The following LRRTM4 variants were observed in gnomAD, a reference collection of about 807,000 sequenced individuals.
The protein encoded by LRRTM4 is leucine-rich repeat transmembrane neuronal protein 4.
In LRRTM4, 25 loss-of-function variants were observed where a neutral mutation model predicts 47.6. That is an observed-to-expected ratio of 0.53 (90% confidence interval 0.38 to 0.73). The LOEUF is 0.73. Ranked by LOEUF, LRRTM4 falls within the 30% of genes least tolerant of loss-of-function variation. LRRTM4 has a pLI of 0.00. For missense variants in LRRTM4, 638 were observed against 713.4 expected (o/e 0.89, Z 1.20); for synonymous variants, 311 against 269.5 (o/e 1.15, Z -1.51).
intron 3 of LRRTM4, among the ~76,000 whole-genome samples, chr2:76,795,198 C>T (rs1372410504): frequency 6.6e-6 from 1 of 152,008 alleles, no homozygotes; most frequent in Non-Finnish European, 1.5e-5. Flanking sequence ...CCCGAATCCA[C>T]AAATAACCAA....
At chr2:77,303,061 T>C (rs565376642) in intron 3 of LRRTM4, among the ~76,000 whole-genome samples, 1 of 152,244 alleles carries the variant, frequency 6.6e-6, no homozygotes, top group Non-Finnish European at 1.5e-5. Flanking sequence ...GCCCTGACAA[T>C]TTTTGCTTTT....
intron 3 of LRRTM4, among the ~76,000 whole-genome samples, chr2:77,316,454 G>T (rs1349961984): frequency 6.6e-6 from 1 of 151,976 alleles, no homozygotes; most frequent in African/African-American, 2.4e-5. Flanking sequence ...ATGTGACATA[G>T]ATTTTTTTAA....
chr2:77,352,786 T>C (rs1671833333), intron 3 of LRRTM4, among the ~76,000 whole-genome samples: 1 of 151,996 alleles, frequency 6.6e-6, no homozygotes, highest in African/African-American at 2.4e-5. Flanking sequence ...CAAGCTATTA[T>C]AAATGCCTTT....
intron 3 of LRRTM4, among the ~76,000 whole-genome samples, chr2:77,356,474 T>C (rs1671973495): frequency 6.6e-6 from 1 of 151,972 alleles, no homozygotes; most frequent in South Asian, 2.1e-4. Context: ...TTAGAAAAAA[T>C]GCAGAAGTAT....
chr2:77,429,858 G>C (rs1332926138), intron 3 of LRRTM4, among the ~76,000 whole-genome samples: 2 of 152,178 alleles, frequency 1.3e-5, no homozygotes, highest in African/African-American at 4.8e-5. Context: ...TTTAAGTCAG[G>C]AGTTCGAGAC....
intron 3 of LRRTM4, among the ~76,000 whole-genome samples, chr2:77,494,200 A>G (rs184327132): frequency 6.6e-6 from 1 of 152,272 alleles, no homozygotes; most frequent in East Asian, 1.9e-4. Flanking sequence ...AATGAACTGC[A>G]GAAGATATGC....
At chr2:77,344,629 A>T (rs1671495556) in intron 3 of LRRTM4, among the ~76,000 whole-genome samples, 1 of 151,908 alleles carries the variant, frequency 6.6e-6, no homozygotes. Context: ...AAAAAAAGCT[A>T]AACAAATAAT....
In LRRTM4 at chr2:77,329,315, G is replaced by A. The variant is rs7569852; in HGVS notation, c.1551+189003C>T. 1.4e-3 allele frequency among the ~76,000 whole-genome samples: 214 copies of A among 152,262 alleles called. 1 individual carries two copies. Among genetic ancestry groups the A allele is most frequent in the Non-Finnish European group, 2.1e-3 (143 of 68,014 alleles). Reference sequence around the variant, plus strand: ...TTCATTCAGCAGATATTTAGTGAATGCCTAATGTGTGCTGGGCTAGGAATC... The same window carrying A: ...TTCATTCAGCAGATATTTAGTGAATACCTAATGTGTGCTGGGCTAGGAATC... On this transcript the variant is annotated intron_variant, in intron 3 of 3. Transcript: ENST00000409884.
chr2:76,788,071 A>G (rs1007975245), intron 3 of LRRTM4, among the ~76,000 whole-genome samples: 6 of 152,150 alleles, frequency 3.9e-5, no homozygotes, highest in Admixed American at 2.6e-4. Flanking sequence ...TGTTGTTACT[A>G]TTGTTGTTAG....
chr2:76,903,053 T>A (rs1412419018), intron 3 of LRRTM4, among the ~76,000 whole-genome samples: 2 of 152,128 alleles, frequency 1.3e-5, no homozygotes, highest in Admixed American at 6.6e-5. Context: ...CTGTTTCACT[T>A]ATCTTTCAAC....
intron 3 of LRRTM4, among the ~76,000 whole-genome samples, chr2:76,958,774 A>G (rs188624086): frequency 6.6e-6 from 1 of 151,892 alleles, no homozygotes; most frequent in East Asian, 2.0e-4. Context: ...TAGAATTACC[A>G]TAAAGTGTGT....
intron 3 of LRRTM4, among the ~76,000 whole-genome samples, chr2:77,246,859 A>G (rs1050516324): frequency 1.3e-5 from 2 of 152,118 alleles, no homozygotes; most frequent in African/African-American, 2.4e-5. Context: ...ATATATAGAC[A>G]TATTATTATC....
At chr2:76,944,899 C>T (rs765157548) in intron 3 of LRRTM4, among the ~76,000 whole-genome samples, 1 of 151,872 alleles carries the variant, frequency 6.6e-6, no homozygotes, top group Non-Finnish European at 1.5e-5. Flanking sequence ...GAATATTTAC[C>T]AGTGTTCTAC....
intron 3 of LRRTM4, among the ~76,000 whole-genome samples, chr2:77,418,964 C>T (rs979765122): frequency 1.1e-4 from 17 of 152,110 alleles, no homozygotes; most frequent in African/African-American, 3.4e-4. Context: ...ATCCCTGCCT[C>T]CTGATGTTCA....
intron 3 of LRRTM4, among the ~76,000 whole-genome samples, chr2:77,299,706 G>T (rs1021025862): frequency 2.0e-5 from 3 of 151,818 alleles, no homozygotes; most frequent in Admixed American, 2.0e-4. Flanking sequence ...CTAAGAAGAG[G>T]GCAAGAAATC....
intron 3 of LRRTM4, among the ~76,000 whole-genome samples, chr2:76,816,862 T>TTG (rs1670916119): frequency 7.9e-6 from 1 of 126,432 alleles, no homozygotes; most frequent in Non-Finnish European, 1.6e-5. Context: ...TTTTTTTTTT[T>TTG]GGTGCTTAAG....
chr2:76,792,264 T>TA (rs888070671), intron 3 of LRRTM4, among the ~76,000 whole-genome samples: 23 of 152,084 alleles, frequency 1.5e-4, no homozygotes, highest in Non-Finnish European at 2.6e-4. Context: ...AAATAACCAT[T>TA]AAAAAAACCT....
In LRRTM4 at chr2:76,748,613, G is replaced by C; in HGVS notation, c.*82C>G. The C allele has an allele frequency of 9.0e-7, 1 of 1,113,008 alleles. No homozygotes were observed. Among genetic ancestry groups the C allele is most frequent in the South Asian group, 1.3e-5 (1 of 74,556 alleles). The allele number at this position is 1,113,008 out of a possible 1,614,324, so 68.9% of individuals were successfully genotyped here. On this transcript the variant is annotated 3_prime_UTR_variant, in exon 4 of 4. Transcript: ENST00000409884. The stretch of plus-strand genomic sequence containing the variant: ...GAACGATGAGCTTGCTCGATTGCGC[G>C]ATTGTGGACACCCATTCTCCTTTAA...
chr2:77,444,898 G>A, intron 3 of LRRTM4, among the ~76,000 whole-genome samples: 1 of 141,670 alleles, frequency 7.1e-6, no homozygotes, highest in Non-Finnish European at 1.5e-5. Flanking sequence ...CAGCATATAT[G>A]CACCTAAGCA....
Sources: gnomAD v4.1 joint callset for allele counts (sites outside exome capture counted in the v4.1 genomes callset) on GRCh38, gnomAD v4.1.1 for gene constraint, MANE v1.5 for transcripts, NCBI Gene and HGNC (gene_info 2026-07-23, HGNC 2026-07-21) for gene names.